Variants in ZNF676 observed in about 807,000 individuals in gnomAD.
ZNF676 encodes the protein zinc finger protein 676.
Under a neutral mutation model 6.0 loss-of-function variants are expected in ZNF676, and 4 were observed. That is an observed-to-expected ratio of 0.67 (90% CI 0.33 to 1.53). The LOEUF (loss-of-function observed/expected upper bound fraction) is 1.53. Among genes scored for constraint, ZNF676 ranks in the 40% most tolerant of loss-of-function variants. The pLI is 0.06. For synonymous variants in ZNF676, 198 were observed against 223.1 expected (o/e 0.89, Z 1.00); for missense variants, 644 against 679.7 (o/e 0.95, Z 0.58).
the ZNF676 span, among the ~76,000 whole-genome samples, chr19:22,250,290 T>G: frequency 2.6e-5 from 4 of 152,028 alleles, no homozygotes; most frequent in East Asian, 7.7e-4. Flanking sequence ...TTTTGAAAAA[T>G]GAAAAATTTT....
At chr19:22,226,111 G>A in the ZNF676 span, among the ~76,000 whole-genome samples, 1 of 152,012 alleles carries the variant, frequency 6.6e-6, no homozygotes, top group African/African-American at 2.4e-5. Context: ...TATGGTTCAA[G>A]GAAAGAATCC....
the ZNF676 span, among the ~76,000 whole-genome samples, chr19:22,235,726 G>A: frequency 6.6e-6 from 1 of 152,188 alleles, no homozygotes; most frequent in Non-Finnish European, 1.5e-5. Context: ...AAAGCAAAAA[G>A]CGATAGAGGT....
At chr19:22,246,543 G>A in the ZNF676 span, among the ~76,000 whole-genome samples, 5 of 152,080 alleles carry the variant, frequency 3.3e-5, no homozygotes, top group Admixed American at 6.6e-5. Context: ...ATAACCCAGG[G>A]GCTGAGCCCA....
chr19:22,222,411 T>G, the ZNF676 span, among the ~76,000 whole-genome samples: 4 of 152,150 alleles, frequency 2.6e-5, no homozygotes, highest in African/African-American at 9.7e-5. Context: ...TGGCCTTAAA[T>G]GTACTGTTTA....
In ZNF676 at chr19:22,181,287, T is replaced by C. The variant is rs192725054; in HGVS notation, c.430A>G (p.Lys144Glu). The stretch of plus-strand genomic sequence containing the variant: ...ATGCAAAATGATCTGACATATTCTT[T>C]ACATTTCAAACCTTTCTCTCCAGTA... ...RHTGEKGLKC[K>E]EYVRSFCMLS... Residue 144 changes from lysine to glutamate, a missense_variant, in exon 3 of 3, where the codon AAA becomes GAA. Coordinates refer to ENST00000397121, the MANE Select transcript of ZNF676 (RefSeq NM_001001411.3). 2.5e-4 allele frequency: 406 copies of C among 1,613,800 alleles called. No individual in the cohort carries two copies. The highest frequency in any genetic ancestry group is 3.2e-4 in the Non-Finnish European group (379 of 1,179,794).
intron 1 of ZNF676, among the ~76,000 whole-genome samples, chr19:22,210,894 C>T (rs1050183795): frequency 1.9e-4 from 29 of 152,142 alleles, no homozygotes; most frequent in African/African-American, 7.0e-4. Flanking sequence ...AAGAACACTC[C>T]TAAGAACACA....
rs1423524496 is a variant in ZNF676, at chr19:22,208,270, AAAG to A, written c.3+7359_3+7361del. ...TACAAGAAAAAAAAAAACTAACTTAAAAGAAGACCAAAAAAAAAACATGAAAAA... is the reference window on the plus strand; with the variant it reads ...TACAAGAAAAAAAAAAACTAACTTAAAAGACCAAAAAAAAAACATGAAAAA... On this transcript the variant is annotated intron_variant, in intron 1 of 3. Transcript: ENST00000650058. 2.8e-5 allele frequency among the ~76,000 whole-genome samples: 4 copies of A among 142,428 alleles called. No individual in the cohort carries two copies. The South Asian group carries it at 7.7e-4, about 27-fold the overall frequency. The allele number at this position is 142,428 out of a possible 152,430, so 93.4% of individuals were successfully genotyped here.
chr19:22,207,992 A>AC (rs2024092938), intron 1 of ZNF676, among the ~76,000 whole-genome samples: 1 of 151,412 alleles, frequency 6.6e-6, no homozygotes, highest in South Asian at 2.1e-4. Context: ...ATAAAAAAAA[A>AC]AAAAACAAAA....
chr19:22,242,855 C>G, the ZNF676 span, among the ~76,000 whole-genome samples: 1 of 151,674 alleles, frequency 6.6e-6, no homozygotes, highest in East Asian at 1.9e-4. Context: ...GGGGGGGGCT[C>G]TCATGAGAAG....
chr19:22,186,660 T>C (rs540046964), intron 2 of ZNF676, among the ~76,000 whole-genome samples: 3 of 152,254 alleles, frequency 2.0e-5, no homozygotes, highest in East Asian at 1.9e-4. Context: ...AAGACACATA[T>C]AGGCTCAAAA....
At chr19:22,188,707 T>C (rs1365576432) in intron 2 of ZNF676, among the ~76,000 whole-genome samples, 1 of 152,068 alleles carries the variant, frequency 6.6e-6, no homozygotes, top group African/African-American at 2.4e-5. Context: ...AGCATTCTTA[T>C]ACACCAATAA....
intron 2 of ZNF676, among the ~76,000 whole-genome samples, chr19:22,182,005 A>G (rs547081646): frequency 6.6e-6 from 1 of 151,676 alleles, no homozygotes; most frequent in South Asian, 2.1e-4. Flanking sequence ...CTTTCCACAC[A>G]CTGGTTTCTG....
At chr19:22,203,222 C>T (rs191520308) in intron 1 of ZNF676, 1 of 158,106 alleles carries the variant, frequency 6.3e-6, no homozygotes, top group East Asian at 1.9e-4. Context: ...ACTGTTTCAG[C>T]CTCAGTTTTT....
intron 1 of ZNF676, among the ~76,000 whole-genome samples, chr19:22,208,079 T>G (rs567356939): frequency 6.6e-6 from 1 of 151,190 alleles, no homozygotes; most frequent in African/African-American, 2.4e-5. Context: ...CAAAAGCAAT[T>G]GCAAAAGTTG....
intron 1 of ZNF676, among the ~76,000 whole-genome samples, chr19:22,195,292 C>T (rs980469149): frequency 8.5e-5 from 13 of 152,058 alleles, no homozygotes; most frequent in African/African-American, 1.4e-4. Flanking sequence ...AAACAGGAGC[C>T]GATGTGTCAG....
chr19:22,250,236 C>G, the ZNF676 span, among the ~76,000 whole-genome samples: 1 of 150,308 alleles, frequency 6.7e-6, no homozygotes, highest in African/African-American at 2.4e-5. Context: ...CTAATTCATA[C>G]GTGAAATGTA....
At chr19:22,202,569 C>T (rs1429048054) in intron 1 of ZNF676, among the ~76,000 whole-genome samples, 1 of 152,180 alleles carries the variant, frequency 6.6e-6, no homozygotes, top group Non-Finnish European at 1.5e-5. Flanking sequence ...AAATTTTCTT[C>T]AGCCCCAGAG....
chr19:22,186,319 C>T (rs1165792998), intron 2 of ZNF676, among the ~76,000 whole-genome samples: 2 of 152,148 alleles, frequency 1.3e-5, no homozygotes, highest in East Asian at 1.9e-4. Flanking sequence ...CCTTTACAGA[C>T]AAGCAAATGC....
At chr19:22,257,667 G>A in the ZNF676 span, among the ~76,000 whole-genome samples, 2 of 152,292 alleles carry the variant, frequency 1.3e-5, no homozygotes, top group Non-Finnish European at 1.5e-5. Context: ...CATAACCTAG[G>A]TGCTGGGCCC....
Sources: allele counts gnomAD v4.1 joint callset (sites outside exome capture counted in the v4.1 genomes callset), GRCh38; gene constraint gnomAD v4.1.1; transcripts MANE v1.5; gene names NCBI Gene and HGNC (gene_info 2026-07-23, HGNC 2026-07-21).